C14orf132: variants seen among roughly 807,000 people sequenced by gnomAD.
The protein encoded by C14orf132 is chromosome 14 open reading frame 132.
In C14orf132, 6 loss-of-function variants were observed where a neutral mutation model predicts 5.8. The ratio of observed to expected loss-of-function variants is 1.03; its 90% confidence interval spans 0.57 to 2.04. The LOEUF is 2.04. Ranked by LOEUF, C14orf132 falls within the 30% of genes most tolerant of loss-of-function variation. The pLI is 0.00. For missense variants in C14orf132, 125 were observed against 115.8 expected, an observed-to-expected ratio of 1.08 and a Z score of -0.37; for synonymous variants, 51 against 49.8, an observed-to-expected ratio of 1.02 and a Z score of -0.10.
intron 1 of C14orf132, among the ~76,000 whole-genome samples, chr14:96,049,246 G>GT (rs1230815177): frequency 1.3e-5 from 2 of 152,064 alleles, no homozygotes. Flanking sequence ...CTGTGTTCAG[G>GT]TTTTTCTGTG....
Position 96,062,092 on chromosome 14 carries a change from C to T in C14orf132, c.27+22565C>T, listed in dbSNP as rs141020081. Among the ~76,000 whole-genome samples the T allele has an allele frequency of 1.8e-3, 271 of 152,210 alleles. 8 individuals are homozygous for T. In the East Asian group the frequency reaches 0.041, roughly 23 times the overall value. ...GGATAAACCCTCTATCCAGCTGGTC[C>T]GGTCCTTTGGCTCATGTTGAAGTCA... On this transcript the variant is annotated intron_variant, in intron 1 of 1. Transcript: ENST00000555004.
At chr14:96,054,083 C>T (rs1453650108) in intron 1 of C14orf132, among the ~76,000 whole-genome samples, 4 of 152,126 alleles carry the variant, frequency 2.6e-5, no homozygotes, top group East Asian at 1.9e-4. Context: ...AGTTCTGACT[C>T]GTCTGTTTGC....
intron 1 of C14orf132, among the ~76,000 whole-genome samples, chr14:96,078,413 G>A (rs1280454805): frequency 6.6e-6 from 1 of 152,190 alleles, no homozygotes; most frequent in Non-Finnish European, 1.5e-5. Context: ...CTCAGTCCTG[G>A]GAGATAAAAA....
At chr14:96,048,124 G>T (rs1350576062) in intron 1 of C14orf132, among the ~76,000 whole-genome samples, 1 of 152,142 alleles carries the variant, frequency 6.6e-6, no homozygotes, top group Non-Finnish European at 1.5e-5. Context: ...GGAGGCAGAG[G>T]TTGCATTGAG....
chr14:96,082,030 C>T (rs559392509), intron 1 of C14orf132, among the ~76,000 whole-genome samples: 5 of 152,196 alleles, frequency 3.3e-5, no homozygotes, highest in Non-Finnish European at 7.3e-5. Context: ...TCTAACTCAG[C>T]AAGAAGAGAC....
intron 1 of C14orf132, among the ~76,000 whole-genome samples, chr14:96,047,768 G>A (rs1886871849): frequency 6.6e-6 from 1 of 152,196 alleles, no homozygotes; most frequent in Admixed American, 6.5e-5. Flanking sequence ...GAAAAATCGA[G>A]AGGAGGGCAT....
chr14:96,072,862 C>T (rs1385673569), intron 1 of C14orf132, among the ~76,000 whole-genome samples: 1 of 152,192 alleles, frequency 6.6e-6, no homozygotes, highest in Non-Finnish European at 1.5e-5. Context: ...TGAATGTAGA[C>T]AGTTTGCCCA....
chr14:96,084,421 T>C (rs1194197035), intron 1 of C14orf132, among the ~76,000 whole-genome samples: 1 of 152,174 alleles, frequency 6.6e-6, no homozygotes, highest in East Asian at 1.9e-4. Context: ...CTGGAGGCCT[T>C]CTGTTGTGGA....
rs1887490009 is a variant in C14orf132 at position 96,065,034 on chromosome 14, C to T, written c.28-21477C>T. Among the ~76,000 whole-genome samples the T allele has an allele frequency of 2.0e-5, 3 of 152,112 alleles. No homozygotes were observed. The South Asian group carries it at 6.2e-4, about 32-fold the overall frequency. ...CTAACCCAGTGTGCTGTCTTCCTCC[C>T]ATACATAGGTAGGGGGTTTTGACGT... On this transcript the variant is annotated intron_variant, in intron 1 of 1. Transcript: ENST00000555004.
rs1002296213 is a variant in C14orf132 at position 96,088,703 on chromosome 14, A to T, written c.*1968A>T. The T allele has an allele frequency of 6.6e-6, 1 of 152,212 alleles. No individual in the cohort carries two copies. The highest frequency in any genetic ancestry group is 1.5e-5 in the Non-Finnish European group (1 of 68,060). 9.4% of individuals were successfully genotyped at this position (152,212 alleles called of 1,614,324 possible). A position where few individuals can be genotyped will look rare whatever the true frequency, so the allele number is the denominator to read the frequency against. On this transcript the variant is annotated 3_prime_UTR_variant, in exon 2 of 2. Transcript: ENST00000555004. Reference sequence around the variant, plus strand: ...GCTCAAATCTTCCCTCTGGCCCCACATCCCTAGGAGGGCCTGACCCCTGTA... The same window carrying T: ...GCTCAAATCTTCCCTCTGGCCCCACTTCCCTAGGAGGGCCTGACCCCTGTA...
intron 1 of C14orf132, among the ~76,000 whole-genome samples, chr14:96,048,487 A>C (rs1886896306): frequency 6.6e-6 from 1 of 152,056 alleles, no homozygotes; most frequent in Non-Finnish European, 1.5e-5. Flanking sequence ...TATGCACCTA[A>C]GGCTTGATAG....
intron 1 of C14orf132, among the ~76,000 whole-genome samples, chr14:96,061,400 C>G (rs1410739616): frequency 6.6e-6 from 1 of 152,132 alleles, no homozygotes; most frequent in Non-Finnish European, 1.5e-5. Context: ...ATTCGCACCC[C>G]TTATTTTAGT....
chr14:96,088,675 C>T lies in C14orf132; in HGVS notation c.*1940C>T, dbSNP rs1888286273. Reference sequence around the variant, plus strand: ...GTCCTCATGGAGTCACTCTGCCCCACATGCTCAAATCTTCCCTCTGGCCCC... The same window carrying T: ...GTCCTCATGGAGTCACTCTGCCCCATATGCTCAAATCTTCCCTCTGGCCCC... On this transcript the variant is annotated 3_prime_UTR_variant, in exon 2 of 2. Transcript: ENST00000555004. The T allele has an allele frequency of 6.6e-6, 1 of 152,294 alleles. No individual in the cohort carries two copies. Among genetic ancestry groups the T allele is most frequent in the South Asian group, 2.1e-4 (1 of 4,832 alleles). 9.4% of individuals were successfully genotyped at this position (152,294 alleles called of 1,614,324 possible). A position where few individuals can be genotyped will look rare whatever the true frequency, so the allele number is the denominator to read the frequency against.
chr14:96,084,702 G>A (rs911223124), intron 1 of C14orf132, among the ~76,000 whole-genome samples: 3 of 152,176 alleles, frequency 2.0e-5, no homozygotes, highest in Non-Finnish European at 4.4e-5. Flanking sequence ...ATGGTAACCT[G>A]CAGCCCCCAC....
At chr14:96,040,298 T>A in intron 1 of C14orf132, 1 of 398,602 alleles carries the variant, frequency 2.5e-6, no homozygotes, top group Middle Eastern at 6.3e-4. Context: ...CCCGGATTTC[T>A]CCATCAGTCT....
chr14:96,056,844 G>C (rs978431224), intron 1 of C14orf132, among the ~76,000 whole-genome samples: 2 of 152,098 alleles, frequency 1.3e-5, no homozygotes, highest in African/African-American at 4.8e-5. Flanking sequence ...CCTGTAGATG[G>C]TGCCAGCTCC....
chr14:96,066,072 G>A (rs967680220), intron 1 of C14orf132, among the ~76,000 whole-genome samples: 13 of 152,236 alleles, frequency 8.5e-5, no homozygotes, highest in East Asian at 3.9e-4. Context: ...CCACAGCCAC[G>A]TGGAGGAGCT....
chr14:96,042,859 T>G (rs1182718513), intron 1 of C14orf132, among the ~76,000 whole-genome samples: 1 of 152,188 alleles, frequency 6.6e-6, no homozygotes, highest in African/African-American at 2.4e-5. Context: ...GAGTCTCTGG[T>G]GACTCTGGAG....
intron 1 of C14orf132, among the ~76,000 whole-genome samples, chr14:96,065,159 C>T (rs542902175): frequency 1.3e-5 from 2 of 152,240 alleles, no homozygotes; most frequent in South Asian, 2.1e-4. Context: ...GGTTCTGAGC[C>T]GGATTGTGTT....
Sources: gnomAD v4.1 joint callset for allele counts (sites outside exome capture counted in the v4.1 genomes callset) on GRCh38, gnomAD v4.1.1 for gene constraint, MANE v1.5 for transcripts, NCBI Gene and HGNC (gene_info 2026-07-23, HGNC 2026-07-21) for gene names.